Variants in DIPK2B observed in about 807,000 individuals in gnomAD.
The protein encoded by DIPK2B is UPF0672 protein CXorf36.
In DIPK2B, 15 loss-of-function variants were observed where a neutral mutation model predicts 22.2. The observed-to-expected ratio is 0.68, with a 90% CI of 0.45 to 1.04. The LOEUF (loss-of-function observed/expected upper bound fraction) is 1.04, where lower values mean the gene tolerates loss of function less well. DIPK2B is among the 50% of genes least tolerant of loss of function. DIPK2B has a pLI of 0.00. For missense variants in DIPK2B, 345 were observed against 348.3 expected (o/e 0.99, Z 0.08); for synonymous variants, 163 against 153.2 (o/e 1.06, Z -0.47).
chrX:45,157,631 G>A (rs1015150467), intron 3 of DIPK2B, 84 bp downstream of exon 3: 1 of 984,669 alleles, frequency 1.0e-6, no homozygotes, highest in African/African-American at 1.9e-5. Flanking sequence ...TGCAGTAAAA[G>A]GAGGGAGAGA....
intron 2 of DIPK2B, among the ~76,000 whole-genome samples, chrX:45,178,396 C>T (rs187155971): frequency 1.8e-5 from 2 of 110,898 alleles, no homozygotes; most frequent in African/African-American, 6.6e-5. Flanking sequence ...TGGTTCTGGC[C>T]ATGACAGAAT....
At chrX:45,186,098 A>G (rs1431673262) in intron 2 of DIPK2B, among the ~76,000 whole-genome samples, 4 of 112,246 alleles carry the variant, frequency 3.6e-5, no homozygotes, top group African/African-American at 1.3e-4. Context: ...GACCCATTCC[A>G]AGTAACCTCT....
intron 1 of DIPK2B, among the ~76,000 whole-genome samples, chrX:45,197,242 CTTTT>C (rs374897987): frequency 1.0e-5 from 1 of 100,076 alleles, no homozygotes; most frequent in Non-Finnish European, 2.0e-5. Context: ...ATGGTAATCA[CTTTT>C]TTTTTTTTTG....
At chrX:45,192,935 C>G (rs898500240) in intron 1 of DIPK2B, among the ~76,000 whole-genome samples, 1 of 112,177 alleles carries the variant, frequency 8.9e-6, no homozygotes, top group Non-Finnish European at 1.9e-5. Flanking sequence ...TGCGCCACCA[C>G]GCCCAGCTAA....
intron 1 of DIPK2B, among the ~76,000 whole-genome samples, chrX:45,194,138 T>C (rs188400310): frequency 7.1e-5 from 8 of 112,091 alleles, no homozygotes; most frequent in Non-Finnish European, 1.3e-4. Context: ...CACAGAGTGA[T>C]TATGTCATTT....
chrX:45,179,414 C>A lies in DIPK2B; in HGVS notation c.498+12337G>T, dbSNP rs538211094. On this transcript the variant is annotated intron_variant, in intron 2 of 4. Coordinates refer to ENST00000398000, the MANE Select transcript of DIPK2B (RefSeq NM_176819.4). ...CCTAAAGTGTGAAGAAGCAAAAAAA[C>A]GGAAAACTATCAACACAAACAGAAG... 8.2e-5 allele frequency among the ~76,000 whole-genome samples: 9 copies of A among 110,356 alleles called. No individual in the cohort carries two copies. The South Asian group carries it at 2.3e-3, about 28-fold the overall frequency.
At chrX:45,158,222 G>C (rs1341090712) in intron 2 of DIPK2B, among the ~76,000 whole-genome samples, 2 of 110,218 alleles carry the variant, frequency 1.8e-5, no homozygotes, top group Non-Finnish European at 3.8e-5. Flanking sequence ...AACAGAGAAG[G>C]GAATGAGCTC....
At chrX:45,194,052 G>A (rs766156549) in intron 1 of DIPK2B, among the ~76,000 whole-genome samples, 2 of 111,991 alleles carry the variant, frequency 1.8e-5, no homozygotes, top group South Asian at 3.7e-4. Flanking sequence ...CACTTTATAT[G>A]TACAGATTCA....
intron 2 of DIPK2B, among the ~76,000 whole-genome samples, chrX:45,158,693 C>T: frequency 9.0e-6 from 1 of 111,658 alleles, no homozygotes; most frequent in Non-Finnish European, 1.9e-5. Context: ...CAGAATTTTA[C>T]CCGCTTCCAC....
intron 1 of DIPK2B, among the ~76,000 whole-genome samples, chrX:45,198,127 T>C (rs2047249895): frequency 2.7e-5 from 3 of 111,668 alleles, no homozygotes. Context: ...CCAAAAAGTA[T>C]ACACAGCATG....
chrX:45,167,081 A>G (rs2047052552), intron 2 of DIPK2B, among the ~76,000 whole-genome samples: 1 of 112,732 alleles, frequency 8.9e-6, no homozygotes, highest in South Asian at 3.6e-4. Flanking sequence ...AATTAAAACA[A>G]TGTTGATTCA....
intron 2 of DIPK2B, chrX:45,163,569 C>G: frequency 1.6e-5 from 12 of 754,229 alleles, no homozygotes; most frequent in Non-Finnish European, 1.9e-5. Flanking sequence ...AAAAACATCA[C>G]CAGCAATCAG....
chrX:45,198,305 A>T, intron 1 of DIPK2B, among the ~76,000 whole-genome samples: 1 of 111,772 alleles, frequency 8.9e-6, no homozygotes, highest in East Asian at 2.8e-4. Flanking sequence ...ATAAACAGGC[A>T]CGACTTTGAT....
rs755738809 is a variant in DIPK2B at position 45,157,750 on chromosome X, T to C, written c.637A>G (p.Thr213Ala). The change falls in exon 3 of 5, where the codon ACG becomes GCG. Residue 213 changes from threonine (T) to alanine (A), a missense_variant. Physicochemically the swap from Thr to Ala is moderately conservative, Grantham distance 58. Coordinates refer to ENST00000398000, the MANE Select transcript of DIPK2B (RefSeq NM_176819.4). ...TDRDKLRLLY[T>A]LAVNSHPILL... ...ATGGGGTGCGAGTTGACAGCCAGCG[T>C]GTAGAGCAGGCGCAGCTTGTCACGG... 1.7e-6 allele frequency: 2 copies of C among 1,198,596 alleles called. No individual in the cohort carries two copies. The highest frequency in any genetic ancestry group is 4.5e-5 in the Admixed American group (2 of 44,492).
intron 2 of DIPK2B, among the ~76,000 whole-genome samples, chrX:45,172,826 TTTC>T (rs1187013851): frequency 8.9e-6 from 1 of 111,917 alleles, no homozygotes; most frequent in African/African-American, 3.3e-5. Flanking sequence ...GGTTTTCTTT[TTTC>T]TTCTTCTTTC....
chrX:45,148,710 A>C lies in DIPK2B; in HGVS notation c.*2942T>G, dbSNP rs1370103830. On this transcript the variant is annotated 3_prime_UTR_variant, in exon 5 of 5. Coordinates refer to ENST00000398000, the MANE Select transcript of DIPK2B (RefSeq NM_176819.4). ...CCTCCAATGCTGGGGATCACATTTC[A>C]ACATGAGATTTGGAGGGGACAAACA... The C allele has an allele frequency of 2.7e-5, 3 of 112,794 alleles. No homozygotes were observed. Among genetic ancestry groups the C allele is most frequent in the Non-Finnish European group, 5.5e-5 (3 of 54,136 alleles). The allele number at this position is 112,794 out of a possible 1,213,427, so 9.3% of individuals were successfully genotyped here.
At chrX:45,182,329 A>T (rs1310602928) in intron 2 of DIPK2B, among the ~76,000 whole-genome samples, 1 of 111,867 alleles carries the variant, frequency 8.9e-6, no homozygotes, top group Non-Finnish European at 1.9e-5. Context: ...GAAAAATGCA[A>T]ATTCAAACCA....
intron 1 of DIPK2B, among the ~76,000 whole-genome samples, chrX:45,199,784 A>G (rs1166317087): frequency 9.0e-6 from 1 of 111,255 alleles, no homozygotes; most frequent in Admixed American, 9.5e-5. Flanking sequence ...GGCAATGACC[A>G]GAGTTATAGT....
intron 1 of DIPK2B, among the ~76,000 whole-genome samples, chrX:45,199,186 C>T (rs1214719687): frequency 8.9e-6 from 1 of 112,363 alleles, no homozygotes; most frequent in Admixed American, 9.4e-5. Flanking sequence ...AGAAGTTTAA[C>T]ATTTTTGATT....
Sources: gnomAD v4.1 joint callset for allele counts (sites outside exome capture counted in the v4.1 genomes callset) on GRCh38, gnomAD v4.1.1 for gene constraint, MANE v1.5 for transcripts, NCBI Gene and HGNC (gene_info 2026-07-23, HGNC 2026-07-21) for gene names.